The following ICA1 variants were observed in gnomAD, a reference collection of about 807,000 sequenced individuals.
ICA1 encodes the protein islet cell autoantigen 1.
A neutral mutation model predicts 71.0 loss-of-function variants in ICA1; 40 were observed. That is an observed-to-expected ratio of 0.56 (90% CI 0.44 to 0.73). The LOEUF (loss-of-function observed/expected upper bound fraction) is 0.73, where lower values mean the gene tolerates loss of function less well. Among genes scored for constraint, ICA1 ranks in the 30% least tolerant of loss-of-function variants. The pLI is 0.00. For synonymous variants in ICA1, 207 were observed against 209.5 expected, an observed-to-expected ratio of 0.99 and a Z score of 0.10; for missense variants, 578 against 576.5, an observed-to-expected ratio of 1.00 and a Z score of -0.03.
At chr7:8,120,683 C>T (rs983493670) in intron 13 of ICA1, among the ~76,000 whole-genome samples, 1 of 152,146 alleles carries the variant, frequency 6.6e-6, no homozygotes, top group South Asian at 2.1e-4. Context: ...CTTTCAGGAT[C>T]CTTTGATATA....
intron 6 of ICA1, among the ~76,000 whole-genome samples, chr7:8,170,379 A>T (rs1807857754): frequency 6.6e-6 from 1 of 152,006 alleles, no homozygotes. Context: ...TCTACAAAAA[A>T]GCCTTTGGGG....
chr7:8,211,135 G>A (rs1793650741), intron 6 of ICA1, among the ~76,000 whole-genome samples: 1 of 152,208 alleles, frequency 6.6e-6, no homozygotes, highest in South Asian at 2.1e-4. Flanking sequence ...CATTGTGGGG[G>A]CAATCCAAGG....
chr7:8,153,905 C>T (rs1354327387), intron 8 of ICA1, among the ~76,000 whole-genome samples: 3 of 148,316 alleles, frequency 2.0e-5, no homozygotes, highest in African/African-American at 7.4e-5. Context: ...TGTGAAAATA[C>T]AAGATCAGGG....
intron 13 of ICA1, among the ~76,000 whole-genome samples, chr7:8,119,733 C>A (rs1786112341): frequency 6.6e-6 from 1 of 152,134 alleles, no homozygotes; most frequent in Admixed American, 6.5e-5. Context: ...GTAATCCTAG[C>A]TACTCAGGAG....
At chr7:8,147,521 T>C (rs1037500652) in intron 8 of ICA1, among the ~76,000 whole-genome samples, 15 of 152,110 alleles carry the variant, frequency 9.9e-5, no homozygotes, top group African/African-American at 3.6e-4. Flanking sequence ...TACTTGTTGA[T>C]TGATAAATGG....
At chr7:8,228,783 T>A (rs1288883433) in intron 3 of ICA1, 110 bp from the exon 4 acceptor site, 1 of 627,256 alleles carries the variant, frequency 1.6e-6, no homozygotes, top group East Asian at 2.8e-5. Context: ...CAAGACCACA[T>A]GTCTAAGTAT....
chr7:8,170,047 T>C (rs567584498), intron 6 of ICA1, among the ~76,000 whole-genome samples: 1 of 152,136 alleles, frequency 6.6e-6, no homozygotes, highest in East Asian at 1.9e-4. Flanking sequence ...CTGATTCAAG[T>C]TCACATTTAC....
At chr7:8,117,626 T>C (rs1026561725) in intron 13 of ICA1, among the ~76,000 whole-genome samples, 1 of 152,258 alleles carries the variant, frequency 6.6e-6, no homozygotes, top group Non-Finnish European at 1.5e-5. Flanking sequence ...CTATAAAATG[T>C]AGACCATCAG....
chr7:8,174,524 T>C, intron 6 of ICA1, among the ~76,000 whole-genome samples: 1 of 152,106 alleles, frequency 6.6e-6, no homozygotes, highest in South Asian at 2.1e-4. Flanking sequence ...CTGGGCGTGG[T>C]GGTTCACGCC....
In ICA1 at chr7:8,193,181, C is replaced by T. The variant is rs76482009; in HGVS notation, c.579+25124G>A. 4.8e-3 allele frequency among the ~76,000 whole-genome samples: 734 copies of T among 152,276 alleles called. 5 individuals carry two copies. The highest frequency in any genetic ancestry group is 0.017 in the African/African-American group (712 of 41,550). On this transcript the variant is annotated intron_variant, in intron 6 of 13. Transcript: ENST00000402384. ...GTGCATATCCACAAGTACTCTCAGA[C>T]ACAACACACATACACATATATGTAT...
chr7:8,160,873 G>C (rs1464938554), intron 6 of ICA1, among the ~76,000 whole-genome samples: 1 of 152,164 alleles, frequency 6.6e-6, no homozygotes, highest in African/African-American at 2.4e-5. Flanking sequence ...GAGATTTCCT[G>C]CCTCCCTTTG....
intron 6 of ICA1, among the ~76,000 whole-genome samples, chr7:8,160,883 G>A (rs917895583): frequency 1.3e-5 from 2 of 152,176 alleles, no homozygotes; most frequent in Non-Finnish European, 2.9e-5. Flanking sequence ...GCCTCCCTTT[G>A]AGAGGAATAG....
chr7:8,143,852 G>A lies in ICA1; in HGVS notation c.902+23C>T, dbSNP rs371338558. 18 of 1,486,808 alleles carry A rather than the reference G, an allele frequency of 1.2e-5. 1 individual carries two copies. The highest frequency in any genetic ancestry group is 1.4e-5 in the African/African-American group (1 of 72,184). The allele number at this position is 1,486,808 out of a possible 1,614,324, so 92.1% of individuals were successfully genotyped here. ...TCTCACCTGTGGGAAGAAAGATGCA[G>A]AGGGAAGGAACCTGTGACTTACTGG... On this transcript the variant is annotated intron_variant, in intron 9 of 13. Transcript: ENST00000402384.
chr7:8,141,704 C>A, intron 10 of ICA1, 61 bp downstream of exon 10: 1 of 1,053,412 alleles, frequency 9.5e-7, no homozygotes, highest in Non-Finnish European at 1.4e-6. Flanking sequence ...AGTAAAATGA[C>A]TTGGCTGTTA....
chr7:8,161,802 C>T (rs1439513982), intron 6 of ICA1, among the ~76,000 whole-genome samples: 2 of 152,156 alleles, frequency 1.3e-5, no homozygotes, highest in Non-Finnish European at 2.9e-5. Flanking sequence ...CCCACAAAGA[C>T]GAGAATGGTC....
chr7:8,246,769 C>T (rs552694191), intron 1 of ICA1, among the ~76,000 whole-genome samples: 7 of 152,320 alleles, frequency 4.6e-5, no homozygotes, highest in South Asian at 2.1e-4. Context: ...TTTTTTGAGA[C>T]GGAGTCTCGC....
At chr7:8,187,055 T>G (rs1398550244) in intron 6 of ICA1, among the ~76,000 whole-genome samples, 1 of 152,224 alleles carries the variant, frequency 6.6e-6, no homozygotes, top group Non-Finnish European at 1.5e-5. Context: ...TAGAATCTTA[T>G]GAGCTTGACG....
intron 6 of ICA1, among the ~76,000 whole-genome samples, chr7:8,172,558 T>C (rs1042941035): frequency 6.6e-5 from 10 of 152,164 alleles, no homozygotes; most frequent in Middle Eastern, 3.2e-3. Flanking sequence ...TTTATATCTA[T>C]AGAGATGACT....
chr7:8,207,904 C>G (rs1385154164), intron 6 of ICA1, among the ~76,000 whole-genome samples: 4 of 152,134 alleles, frequency 2.6e-5, no homozygotes, highest in African/African-American at 9.7e-5. Context: ...GGACCTGGGA[C>G]AAAGGGGATT....
Sources: allele counts gnomAD v4.1 joint callset (sites outside exome capture counted in the v4.1 genomes callset), GRCh38; gene constraint gnomAD v4.1.1; transcripts MANE v1.5; gene names NCBI Gene and HGNC (gene_info 2026-07-23, HGNC 2026-07-21).